ADAM12: variants seen among roughly 807,000 people sequenced by gnomAD.
ADAM12 encodes the protein disintegrin and metalloproteinase domain-containing protein 12.
In ADAM12, 70 loss-of-function variants were observed where a neutral mutation model predicts 106.4. The observed-to-expected ratio is 0.66, with a 90% confidence interval of 0.54 to 0.80. The LOEUF (loss-of-function observed/expected upper bound fraction) is 0.80, where lower values mean the gene tolerates loss of function less well. Among genes scored for constraint, ADAM12 ranks in the 30% least tolerant of loss-of-function variants. The probability of loss-of-function intolerance (pLI) is 0.00; values close to 1 mark genes in which losing one functional copy is unlikely to be tolerated. For missense variants in ADAM12, 1,010 were observed against 1,171.9 expected, an observed-to-expected ratio of 0.86 and a Z score of 2.02; for synonymous variants, 420 against 433.5, an observed-to-expected ratio of 0.97 and a Z score of 0.39.
In ADAM12 at chr10:126,318,511, C is replaced by T. The variant is rs1035577289; in HGVS notation, c.186+11901G>A. 5.6e-5 allele frequency among the ~76,000 whole-genome samples: 6 copies of T among 107,218 alleles called. No homozygotes were observed. The South Asian group carries it at 1.3e-3, about 23-fold the overall frequency. The allele number at this position is 107,218 out of a possible 152,430, so 70.3% of individuals were successfully genotyped here. ...ACATTCTCAGAGCCACACTCTCTCACACACACTCATTCTAACACACACTTT... is the reference window on the plus strand; with the variant it reads ...ACATTCTCAGAGCCACACTCTCTCATACACACTCATTCTAACACACACTTT... On this transcript the variant is annotated intron_variant, in intron 2 of 22. Transcript: ENST00000448723.
intron 2 of ADAM12, among the ~76,000 whole-genome samples, chr10:126,296,204 C>G (rs1960372462): frequency 6.6e-6 from 1 of 152,142 alleles, no homozygotes; most frequent in Non-Finnish European, 1.5e-5. Flanking sequence ...TATAGTGGTA[C>G]AATCATGGCT....
intron 2 of ADAM12, among the ~76,000 whole-genome samples, chr10:126,295,725 T>C (rs114803144): frequency 3.9e-5 from 6 of 152,326 alleles, no homozygotes; most frequent in Non-Finnish European, 7.3e-5. Flanking sequence ...ATGCACACTC[T>C]TTTGTCCCCA....
At chr10:126,158,540 G>GAGAGA (rs202208829) in intron 3 of ADAM12, among the ~76,000 whole-genome samples, 1 of 90,054 alleles carries the variant, frequency 1.1e-5, no homozygotes, top group South Asian at 4.7e-4. Context: ...ACAGAGCACG[G>GAGAGA]GGAGGATGCA....
Position 126,179,547 on chromosome 10 carries a change from T to C in ADAM12, c.261-24242A>G, listed in dbSNP as rs1423868013. On this transcript the variant is annotated intron_variant, in intron 3 of 22. Transcript: ENST00000448723. ...AGAAAAATGGGTCATACCTTTTGGATGCTAAAAAATGTTACTCAGCCACAG... is the reference window on the plus strand; with the variant it reads ...AGAAAAATGGGTCATACCTTTTGGACGCTAAAAAATGTTACTCAGCCACAG... Among the ~76,000 whole-genome samples, 4 of 152,216 alleles carry C rather than the reference T, an allele frequency of 2.6e-5. No homozygotes were observed. In the East Asian group the frequency reaches 7.7e-4, roughly 29 times the overall value.
chr10:126,102,856 T>C (rs1955693581), intron 8 of ADAM12, among the ~76,000 whole-genome samples: 1 of 152,194 alleles, frequency 6.6e-6, no homozygotes, highest in African/African-American at 2.4e-5. Context: ...TGAATGCACA[T>C]GTTTGGCTGC....
chr10:126,090,809 T>A (rs1342263196), intron 11 of ADAM12: 2 of 152,224 alleles, frequency 1.3e-5, no homozygotes, highest in East Asian at 1.9e-4. Flanking sequence ...TTTTCAGAGT[T>A]AGGATTCTGG....
chr10:126,045,143 G>A (rs1205135574), intron 17 of ADAM12, among the ~76,000 whole-genome samples: 1 of 152,110 alleles, frequency 6.6e-6, no homozygotes, highest in Non-Finnish European at 1.5e-5. Context: ...TATTACCTTG[G>A]GCACACCATC....
chr10:126,377,488 G>A (rs1321790618), intron 1 of ADAM12, among the ~76,000 whole-genome samples: 1 of 151,990 alleles, frequency 6.6e-6, no homozygotes. Context: ...CCTGCTTTAT[G>A]TTCTGGCCAT....
rs1856759285 is a variant in ADAM12, at chr10:126,388,371, C to G, written c.-226G>C. On this transcript the variant is annotated 5_prime_UTR_variant, in exon 1 of 23. Transcript: ENST00000448723. The surrounding 1 kb of genome is among the most constrained non-coding windows in gnomAD (Gnocchi z 4.4). The stretch of plus-strand genomic sequence containing the variant: ...GTGTGCGTGCGTGCGCGCGCGCGCG[C>G]CGTTCTGGCACAAGCCAGCCTTGAC... 5 of 504,026 alleles carry G rather than the reference C, an allele frequency of 9.9e-6. No homozygotes were observed. The highest frequency in any genetic ancestry group is 1.5e-5 in the Non-Finnish European group (5 of 344,240). The allele number at this position is 504,026 out of a possible 1,614,324, so 31.2% of individuals were successfully genotyped here.
chr10:126,079,355 C>G (rs1333466054), intron 11 of ADAM12, among the ~76,000 whole-genome samples: 1 of 152,144 alleles, frequency 6.6e-6, no homozygotes, highest in Non-Finnish European at 1.5e-5. Flanking sequence ...CAGCCCCTGC[C>G]AACCACGAAT....
chr10:126,111,387 A>C (rs1407643353), intron 6 of ADAM12, among the ~76,000 whole-genome samples: 1 of 152,222 alleles, frequency 6.6e-6, no homozygotes, highest in Non-Finnish European at 1.5e-5. Context: ...ACACCTTCTG[A>C]AAGTGTGAAG....
chr10:126,164,188 A>C (rs988234677), intron 3 of ADAM12, among the ~76,000 whole-genome samples: 1 of 152,230 alleles, frequency 6.6e-6, no homozygotes, highest in East Asian at 1.9e-4. Flanking sequence ...ACTTTTTCCT[A>C]TTATTTCTTT....
intron 3 of ADAM12, among the ~76,000 whole-genome samples, chr10:126,205,726 T>C (rs950843804): frequency 2.0e-5 from 3 of 152,252 alleles, no homozygotes; most frequent in Admixed American, 1.3e-4. Flanking sequence ...TTTTGCAGAC[T>C]TCTTGTATCT....
intron 1 of ADAM12, among the ~76,000 whole-genome samples, chr10:126,370,282 T>A (rs2366705): frequency 2.6e-5 from 4 of 152,200 alleles, no homozygotes; most frequent in African/African-American, 9.6e-5. Flanking sequence ...CACTAAGTTG[T>A]GGCAATTTGT....
intron 2 of ADAM12, among the ~76,000 whole-genome samples, chr10:126,313,364 C>A (rs528889083): frequency 6.6e-6 from 1 of 152,326 alleles, no homozygotes; most frequent in South Asian, 2.1e-4. Flanking sequence ...CCAGACCAAC[C>A]CTGCCTCACA....
Position 126,388,136 on chromosome 10 carries a change from G to T in ADAM12, c.10C>A (p.Arg4Ser). 8.2e-7 allele frequency: 1 copy of T among 1,215,630 alleles called. No individual in the cohort carries two copies. Among genetic ancestry groups the T allele is most frequent in the Middle Eastern group, 3.2e-4 (1 of 3,094 alleles). 75.3% of individuals were successfully genotyped at this position (1,215,630 alleles called of 1,614,324 possible). The change falls in exon 1 of 23, where the codon CGC (arginine) becomes AGC (serine). Residue 4 changes from arginine (R) to serine (S), a missense_variant. Coordinates refer to ENST00000448723, the MANE Select transcript of ADAM12 (RefSeq NM_001288973.2). The surrounding 1 kb of genome is among the most constrained non-coding windows in gnomAD (Gnocchi z 4.4). Reference protein sequence around the residue: MAARPLPVSPARAL... With the variant: MAASPLPVSPARAL... ...CGGGCGGGGGACACGGGCAGCGGGC[G>T]CGCTGCCATCGTCGCCGGCCTTCAG...
chr10:126,266,404 G>A (rs1959097993), intron 3 of ADAM12, among the ~76,000 whole-genome samples: 1 of 152,178 alleles, frequency 6.6e-6, no homozygotes, highest in Non-Finnish European at 1.5e-5. Flanking sequence ...AGGAATAGGG[G>A]CAGTCACAGG....
chr10:126,259,949 T>C (rs1413760935), intron 3 of ADAM12, among the ~76,000 whole-genome samples: 2 of 152,176 alleles, frequency 1.3e-5, no homozygotes, highest in Non-Finnish European at 2.9e-5. Flanking sequence ...AGTTTGGTCA[T>C]TGTGAGTCAG....
chr10:126,363,019 T>C (rs1293204951), intron 1 of ADAM12, among the ~76,000 whole-genome samples: 2 of 152,196 alleles, frequency 1.3e-5, no homozygotes, highest in Admixed American at 6.5e-5. Context: ...CCATGTTGTA[T>C]TTATAAATCA....
Sources: gnomAD v4.1 joint callset for allele counts (sites outside exome capture counted in the v4.1 genomes callset) on GRCh38, gnomAD v4.1.1 for gene constraint, Gnocchi (gnomAD v3.1) non-coding constraint, MANE v1.5 for transcripts, NCBI Gene and HGNC (gene_info 2026-07-23, HGNC 2026-07-21) for gene names.